C1QTNF3: variants seen among roughly 807,000 people sequenced by gnomAD.
C1QTNF3 encodes complement C1q tumor necrosis factor-related protein 3.
C1QTNF3 carries 26 observed loss-of-function variants against 32.6 expected under a neutral mutation model. The observed-to-expected ratio is 0.80, with a 90% CI of 0.58 to 1.11. The LOEUF (loss-of-function observed/expected upper bound fraction) is 1.11. C1QTNF3 is among the 50% of genes least tolerant of loss of function. The probability of loss-of-function intolerance (pLI) is 0.00; values close to 1 mark genes in which losing one functional copy is unlikely to be tolerated. For missense variants in C1QTNF3, 362 were observed against 398.2 expected (o/e 0.91, Z 0.77); for synonymous variants, 155 against 146.0 (o/e 1.06, Z -0.44).
chr5:34,035,301 G>A (rs1187836444), intron 2 of C1QTNF3, among the ~76,000 whole-genome samples: 5 of 152,336 alleles, frequency 3.3e-5, no homozygotes, highest in Admixed American at 1.3e-4. Flanking sequence ...TCCTGAGACT[G>A]GAGGAAGAAG....
upstream of C1QTNF3, among the ~76,000 whole-genome samples, chr5:34,044,228 T>C (rs1754943175): frequency 6.6e-6 from 1 of 152,222 alleles, no homozygotes; most frequent in Non-Finnish European, 1.5e-5. Flanking sequence ...ACATTCCTAA[T>C]TGCTTCAGGA....
the C1QTNF3 span, among the ~76,000 whole-genome samples, chr5:34,214,803 A>G: frequency 6.6e-6 from 1 of 152,172 alleles, no homozygotes; most frequent in Non-Finnish European, 1.5e-5. Context: ...TATAACTTAA[A>G]GAGATATTAT....
At chr5:34,236,868 A>T in the C1QTNF3 span, among the ~76,000 whole-genome samples, 1 of 151,836 alleles carries the variant, frequency 6.6e-6, no homozygotes. Flanking sequence ...GAGCCACCGC[A>T]CCCAGCCAGT....
At chr5:34,131,635 TGA>T in the C1QTNF3 span, among the ~76,000 whole-genome samples, 3 of 152,040 alleles carry the variant, frequency 2.0e-5, no homozygotes, top group Admixed American at 2.0e-4. Context: ...AAGGGTGGGA[TGA>T]GAGAAGGATA....
the C1QTNF3 span, among the ~76,000 whole-genome samples, chr5:34,093,921 C>G: frequency 1.3e-5 from 2 of 152,142 alleles, no homozygotes; most frequent in African/African-American, 4.8e-5. Flanking sequence ...CTTCATCACT[C>G]AATAAAACTT....
chr5:34,159,092 A>C, the C1QTNF3 span, among the ~76,000 whole-genome samples: 1 of 152,036 alleles, frequency 6.6e-6, no homozygotes, highest in Non-Finnish European at 1.5e-5. Flanking sequence ...ATCTCTTTAG[A>C]ATTTTTGTAG....
chr5:34,084,955 G>A, the C1QTNF3 span, among the ~76,000 whole-genome samples: 2 of 143,670 alleles, frequency 1.4e-5, no homozygotes, highest in Admixed American at 1.4e-4. Flanking sequence ...TTCTTCTAGG[G>A]TTTTTACAGT....
chr5:34,234,121 G>A, the C1QTNF3 span, among the ~76,000 whole-genome samples: 11 of 152,058 alleles, frequency 7.2e-5, no homozygotes, highest in African/African-American at 1.2e-4. Flanking sequence ...ATTATTTTCA[G>A]AATGTAGTCA....
chr5:34,167,314 G>A, the C1QTNF3 span: 4 of 152,036 alleles, frequency 2.6e-5, no homozygotes, highest in East Asian at 5.8e-4. Flanking sequence ...AGCTTTCTCT[G>A]CCTCACGTTT....
chr5:34,060,334 A>G, the C1QTNF3 span, among the ~76,000 whole-genome samples: 21 of 152,340 alleles, frequency 1.4e-4, no homozygotes, highest in Non-Finnish European at 2.5e-4. Context: ...CCTAGGCTAT[A>G]TACTATAGCC....
chr5:34,240,529 G>T, the C1QTNF3 span, among the ~76,000 whole-genome samples: 1 of 151,310 alleles, frequency 6.6e-6, no homozygotes, highest in South Asian at 2.1e-4. Context: ...AGAGGAAATG[G>T]ATAAATTTCT....
At chr5:34,213,938 A>G in the C1QTNF3 span, among the ~76,000 whole-genome samples, 1 of 146,912 alleles carries the variant, frequency 6.8e-6, no homozygotes, top group African/African-American at 2.5e-5. Flanking sequence ...CAGCCTCCCA[A>G]GTGGCTGGAA....
At chr5:34,095,671 G>C in the C1QTNF3 span, among the ~76,000 whole-genome samples, 12 of 151,216 alleles carry the variant, frequency 7.9e-5, no homozygotes, top group Admixed American at 6.6e-4. Context: ...GAACATAATC[G>C]ATACTTCTTG....
At chr5:34,069,283 T>C in the C1QTNF3 span, among the ~76,000 whole-genome samples, 832 of 149,766 alleles carry the variant, frequency 5.6e-3, 10 homozygotes, top group African/African-American at 0.02. Context: ...AGTAGAGATA[T>C]TGAATTCTTA....
chr5:34,146,075 C>G, the C1QTNF3 span, among the ~76,000 whole-genome samples: 1 of 152,142 alleles, frequency 6.6e-6, no homozygotes, highest in Non-Finnish European at 1.5e-5. Flanking sequence ...AAGCTGGAAA[C>G]ATTCCCCTTA....
intron 4 of C1QTNF3, among the ~76,000 whole-genome samples, chr5:34,026,308 G>C (rs1273855265): frequency 6.6e-6 from 1 of 152,102 alleles, no homozygotes; most frequent in Non-Finnish European, 1.5e-5. Context: ...CTCCCTGATA[G>C]TGAGGGCCAC....
At position 34,028,857 on chromosome 5, in the gene C1QTNF3, G is replaced by C. The variant is rs774917120; in HGVS notation, c.597C>G (p.Thr199=). 1.9e-6 allele frequency: 3 copies of C among 1,611,178 alleles called. No individual in the cohort carries two copies. The Admixed American group carries it at 5.0e-5, about 27-fold the overall frequency. ...LQIAFMASLA[T]HFSNQNSGII... ...TCCCACTGTTCTGATTGCTGAAGTG[G>C]GTTGCCAGAGAAGCCATGAATGCAA... Residue 199 remains threonine (T), a synonymous_variant, in exon 4 of 6, where the codon ACC becomes ACG. Coordinates refer to ENST00000382065, the MANE Select transcript of C1QTNF3 (RefSeq NM_181435.6).
chr5:34,027,372 C>A (rs1754489781), intron 4 of C1QTNF3, among the ~76,000 whole-genome samples: 1 of 152,090 alleles, frequency 6.6e-6, no homozygotes, highest in Admixed American at 6.5e-5. Context: ...AAAACTTTAG[C>A]CTACAGATAT....
At position 34,033,044 on chromosome 5, in the gene C1QTNF3, G is replaced by A. The variant is rs1054747829; in HGVS notation, c.570+260C>T. ...AATAGGAGATAAGTTTATATTTAGGGTTGCCTTGGATTTGGTTCTATGAGG... is the reference window on the plus strand; with the variant it reads ...AATAGGAGATAAGTTTATATTTAGGATTGCCTTGGATTTGGTTCTATGAGG... On this transcript the variant is annotated intron_variant, in intron 3 of 5. Transcript: ENST00000382065. 6 of 392,328 alleles carry A rather than the reference G, an allele frequency of 1.5e-5. No homozygotes were observed. The East Asian group carries it at 2.7e-4, about 18-fold the overall frequency. 24.3% of individuals were successfully genotyped at this position (392,328 alleles called of 1,614,324 possible). A position where few individuals can be genotyped will look rare whatever the true frequency, so the allele number is the denominator to read the frequency against.
Sources: gnomAD v4.1 joint callset for allele counts (sites outside exome capture counted in the v4.1 genomes callset) on GRCh38, gnomAD v4.1.1 for gene constraint, MANE v1.5 for transcripts, NCBI Gene and HGNC (gene_info 2026-07-23, HGNC 2026-07-21) for gene names.